Variants in CTDSPL observed in about 807,000 individuals in gnomAD.
The protein encoded by CTDSPL is CTD small phosphatase-like protein.
Under a neutral mutation model 30.5 loss-of-function variants are expected in CTDSPL, and 8 were observed. The observed-to-expected ratio is 0.26, with a 90% CI of 0.15 to 0.47. The LOEUF is 0.47. Ranked by LOEUF, CTDSPL falls within the 20% of genes least tolerant of loss-of-function variation. The probability of loss-of-function intolerance (pLI) is 0.99; values close to 1 mark genes in which losing one functional copy is unlikely to be tolerated. For synonymous variants in CTDSPL, 110 were observed against 137.9 expected, an observed-to-expected ratio of 0.80 and a Z score of 1.42; for missense variants, 248 against 366.1, an observed-to-expected ratio of 0.68 and a Z score of 2.63.
rs181089810 is a variant in CTDSPL, at chr3:37,922,491, A to G, written c.80-24566A>G. On this transcript the variant is annotated intron_variant, in intron 1 of 7. Transcript: ENST00000273179. ...TGGGAAGATAGATGTCAGGACAACAATTGGGCCAGGATCTCCTATTGCTCC... is the reference window on the plus strand; with the variant it reads ...TGGGAAGATAGATGTCAGGACAACAGTTGGGCCAGGATCTCCTATTGCTCC... Among the ~76,000 whole-genome samples the G allele has an allele frequency of 1.9e-3, 283 of 152,308 alleles. 3 individuals carry two copies. Among genetic ancestry groups the G allele is most frequent in the African/African-American group, 6.5e-3 (269 of 41,556 alleles).
intron 1 of CTDSPL, among the ~76,000 whole-genome samples, chr3:37,925,565 G>A (rs1308251635): frequency 6.6e-6 from 1 of 152,182 alleles, no homozygotes; most frequent in African/African-American, 2.4e-5. Flanking sequence ...TGCAACGTAT[G>A]CCCTGCAGAG....
intron 4 of CTDSPL, among the ~76,000 whole-genome samples, chr3:37,966,804 A>ATG (rs1699304097): frequency 6.6e-6 from 1 of 152,182 alleles, no homozygotes; most frequent in South Asian, 2.1e-4. Flanking sequence ...TTCGGTTCAG[A>ATG]GTCTGACCAG....
intron 1 of CTDSPL, among the ~76,000 whole-genome samples, chr3:37,922,867 T>G (rs1698733616): frequency 6.6e-6 from 1 of 152,198 alleles, no homozygotes; most frequent in Non-Finnish European, 1.5e-5. Context: ...AAGGCTGCAG[T>G]CCAGCACAGG....
At chr3:37,887,615 A>G (rs1030785811) in intron 1 of CTDSPL, among the ~76,000 whole-genome samples, 7 of 152,220 alleles carry the variant, frequency 4.6e-5, no homozygotes, top group Non-Finnish European at 1.0e-4. Context: ...TATAAGGATA[A>G]CAAATCTATG....
At chr3:37,955,104 C>T (rs1171445601) in intron 2 of CTDSPL, 1 of 152,256 alleles carries the variant, frequency 6.6e-6, no homozygotes, top group Non-Finnish European at 1.5e-5. Context: ...CCTACTAGAG[C>T]AGAGCTGAAG....
intron 1 of CTDSPL, among the ~76,000 whole-genome samples, chr3:37,888,824 T>C (rs1698291675): frequency 6.6e-6 from 1 of 152,200 alleles, no homozygotes; most frequent in Non-Finnish European, 1.5e-5. Context: ...TGGGGGCCTT[T>C]AGATCCAGGG....
chr3:37,978,173 C>T (rs1176443345), intron 7 of CTDSPL, among the ~76,000 whole-genome samples: 1 of 152,178 alleles, frequency 6.6e-6, no homozygotes, highest in Non-Finnish European at 1.5e-5. Flanking sequence ...AGTTGGTGTT[C>T]TAGCGGCCTC....
At chr3:37,917,342 T>A (rs894674503) in intron 1 of CTDSPL, among the ~76,000 whole-genome samples, 1 of 152,230 alleles carries the variant, frequency 6.6e-6, no homozygotes, top group African/African-American at 2.4e-5. Flanking sequence ...ATCTTGCTAA[T>A]GTAAAGTGAG....
At position 37,874,649 on chromosome 3, in the gene CTDSPL, G is replaced by T. The variant is rs111315158; in HGVS notation, c.79+12371G>T. On this transcript the variant is annotated intron_variant, in intron 1 of 7. Coordinates refer to ENST00000273179, the MANE Select transcript of CTDSPL (RefSeq NM_001008392.2). ...GGAGGCTGAGGCAGGAGAATTGCTT[G>T]AATCCGGAAGGCGGAGGTTGCAGTG... Among the ~76,000 whole-genome samples, 148 of 152,294 alleles carry T rather than the reference G, an allele frequency of 9.7e-4. 1 individual carries two copies. Among genetic ancestry groups the T allele is most frequent in the African/African-American group, 3.3e-3 (139 of 41,560 alleles).
chr3:37,903,120 A>G (rs376572785), intron 1 of CTDSPL, among the ~76,000 whole-genome samples: 1 of 152,302 alleles, frequency 6.6e-6, no homozygotes, highest in East Asian at 1.9e-4. Context: ...GCCTACTGGT[A>G]TACTAAGCCA....
chr3:37,980,941 C>A lies in CTDSPL; in HGVS notation c.*74C>A. The A allele has an allele frequency of 6.6e-7, 1 of 1,525,260 alleles. No homozygotes were observed. The highest frequency in any genetic ancestry group is 8.9e-7 in the Non-Finnish European group (1 of 1,125,240). The allele number at this position is 1,525,260 out of a possible 1,614,324, so 94.5% of individuals were successfully genotyped here. On this transcript the variant is annotated 3_prime_UTR_variant, in exon 8 of 8. Transcript: ENST00000273179. ...TCAGGGGACCTGCCTGTCCTCAGCT[C>A]CCTGGGAGCTGAAAGTGAGGATACT...
At chr3:37,927,066 A>G (rs1176571179) in intron 1 of CTDSPL, among the ~76,000 whole-genome samples, 1 of 152,190 alleles carries the variant, frequency 6.6e-6, no homozygotes, top group Non-Finnish European at 1.5e-5. Flanking sequence ...CCAAAGTCCA[A>G]TTACTCTAAA....
At chr3:37,977,848 G>A (rs934955472) in intron 7 of CTDSPL, among the ~76,000 whole-genome samples, 2 of 152,016 alleles carry the variant, frequency 1.3e-5, no homozygotes, top group Non-Finnish European at 2.9e-5. Flanking sequence ...AGTGAGCCAT[G>A]TTCATGCCAC....
chr3:37,937,275 C>T (rs1559638663), intron 1 of CTDSPL, among the ~76,000 whole-genome samples: 2 of 150,086 alleles, frequency 1.3e-5, no homozygotes, highest in African/African-American at 4.9e-5. Context: ...ATTGGGGTGC[C>T]GTTGCCATTG....
intron 1 of CTDSPL, among the ~76,000 whole-genome samples, chr3:37,895,557 T>C (rs1698381358): frequency 6.6e-6 from 1 of 152,238 alleles, no homozygotes; most frequent in South Asian, 2.1e-4. Context: ...GACACCAGGC[T>C]GAAAGCCATA....
chr3:37,888,849 A>G (rs1369718060), intron 1 of CTDSPL, among the ~76,000 whole-genome samples: 2 of 152,162 alleles, frequency 1.3e-5, no homozygotes, highest in Non-Finnish European at 2.9e-5. Flanking sequence ...GGAGAGTGCT[A>G]AAGGGCACTG....
intron 1 of CTDSPL, among the ~76,000 whole-genome samples, chr3:37,889,632 C>G (rs1432616903): frequency 6.6e-6 from 1 of 152,134 alleles, no homozygotes; most frequent in Non-Finnish European, 1.5e-5. Context: ...GGTCAAGACA[C>G]TCTATTTTGA....
chr3:37,961,764 C>A (rs1035884083), intron 3 of CTDSPL, among the ~76,000 whole-genome samples: 4 of 152,134 alleles, frequency 2.6e-5, no homozygotes, highest in African/African-American at 9.7e-5. Flanking sequence ...AGCGTGCAGA[C>A]CTTAAGCCTG....
At position 37,921,477 on chromosome 3, in the gene CTDSPL, GTCTCC is replaced by G. The variant is rs1301411568; in HGVS notation, c.80-25577_80-25573del. On this transcript the variant is annotated intron_variant, in intron 1 of 7. Coordinates refer to ENST00000273179, the MANE Select transcript of CTDSPL (RefSeq NM_001008392.2). ...ATTGCAGGTCGTCGGAGGTGTATCTGTCTCCTCCCCCTAGTTTGAGAGTTCCCTGA... is the reference window on the plus strand; with the variant it reads ...ATTGCAGGTCGTCGGAGGTGTATCTGTCCCCCTAGTTTGAGAGTTCCCTGA... Among the ~76,000 whole-genome samples, 12 of 152,324 alleles carry G rather than the reference GTCTCC, an allele frequency of 7.9e-5. No homozygotes were observed. The East Asian group carries it at 2.1e-3, about 27-fold the overall frequency.
Sources: gnomAD v4.1 joint callset for allele counts (sites outside exome capture counted in the v4.1 genomes callset) on GRCh38, gnomAD v4.1.1 for gene constraint, MANE v1.5 for transcripts, NCBI Gene and HGNC (gene_info 2026-07-23, HGNC 2026-07-21) for gene names.